SPG7: variants seen among roughly 807,000 people sequenced by gnomAD.
SPG7 encodes mitochondrial inner membrane m-AAA protease component paraplegin.
Under a neutral mutation model 81.9 loss-of-function variants are expected in SPG7, and 103 were observed. The observed-to-expected ratio is 1.26, with a 90% CI of 1.07 to 1.48. SPG7 has a LOEUF of 1.48. Ranked by LOEUF, SPG7 falls within the 40% of genes most tolerant of loss-of-function variation. The pLI is 0.00. For synonymous variants in SPG7, 534 were observed against 444.2 expected (o/e 1.20, Z -2.54); for missense variants, 1,241 against 1,087.3 (o/e 1.14, Z -1.99).
intron 3 of SPG7, chr16:89,523,518 C>A: frequency 2.8e-6 from 1 of 351,724 alleles, no homozygotes; most frequent in Non-Finnish European, 5.7e-6. Context: ...GATTCATGGC[C>A]ATTGTGAGCT....
intron 10 of SPG7, 148 bp downstream of exon 10, chr16:89,544,920 C>T (rs921809780): frequency 2.6e-5 from 24 of 928,254 alleles, no homozygotes; most frequent in African/African-American, 6.5e-5. Context: ...GCCCCCGCAT[C>T]GGCTGCACGC....
At chr16:89,514,786 C>T (rs1417557048) in intron 3 of SPG7, among the ~76,000 whole-genome samples, 8 of 152,122 alleles carry the variant, frequency 5.3e-5, no homozygotes, top group Non-Finnish European at 5.9e-5. Flanking sequence ...GCGTGAGCCA[C>T]CGCGTCAGGC....
intron 1 of SPG7, chr16:89,508,984 C>T (rs1305506388): frequency 1.5e-5 from 7 of 482,618 alleles, no homozygotes; most frequent in South Asian, 9.3e-5. Flanking sequence ...CAGCGCCTTC[C>T]AGTTAGGGTG....
At chr16:89,533,091 A>AAAAC (rs1555613248) in intron 9 of SPG7, 1 of 178,596 alleles carries the variant, frequency 5.6e-6, no homozygotes, top group African/African-American at 2.4e-5. Flanking sequence ...AAAAAAAAAA[A>AAAAC]AACACAGCTT....
At chr16:89,511,551 G>C (rs773198197) in intron 2 of SPG7, among the ~76,000 whole-genome samples, 1 of 152,244 alleles carries the variant, frequency 6.6e-6, no homozygotes, top group Non-Finnish European at 1.5e-5. Flanking sequence ...TCTGCTGTCA[G>C]TGTTTAACGT....
intron 5 of SPG7, chr16:89,529,253 A>G: frequency 3.4e-6 from 2 of 593,896 alleles, no homozygotes; most frequent in Admixed American, 2.8e-5. Flanking sequence ...CGGCATCTGC[A>G]CACTCAGTCT....
intron 5 of SPG7, among the ~76,000 whole-genome samples, chr16:89,527,844 C>T (rs1487715386): frequency 2.6e-5 from 4 of 152,056 alleles, no homozygotes; most frequent in African/African-American, 7.2e-5. Flanking sequence ...CCTGTAATCC[C>T]AGCACTTTGG....
intron 1 of SPG7, 75 bp downstream of exon 1, chr16:89,508,675 C>A: frequency 2.2e-6 from 3 of 1,354,406 alleles, no homozygotes; most frequent in South Asian, 3.0e-5. Context: ...CGGGGCGGGT[C>A]GGAGGCCGCC....
At chr16:89,512,214 C>T (rs547429424) in intron 2 of SPG7, among the ~76,000 whole-genome samples, 1 of 150,412 alleles carries the variant, frequency 6.6e-6, no homozygotes, top group African/African-American at 2.4e-5. Flanking sequence ...CCTGGCCTCC[C>T]CCATTTGTAA....
intron 6 of SPG7, chr16:89,530,391 A>C: frequency 2.3e-6 from 1 of 441,662 alleles, no homozygotes; most frequent in South Asian, 2.1e-5. Context: ...TGATCCGCCC[A>C]TCTCGGCCTC....
chr16:89,508,684 C>A lies in SPG7; in HGVS notation c.183+84C>A, dbSNP rs923168465. The A allele has an allele frequency of 6.8e-6, 9 of 1,327,138 alleles. No individual in the cohort carries two copies. In the Admixed American group the frequency reaches 9.6e-5, roughly 14 times the overall value. The allele number at this position is 1,327,138 out of a possible 1,614,324, so 82.2% of individuals were successfully genotyped here. ...GCCCGGCGGGGCGGGTCGGAGGCCG[C>A]CTGGCCCCTGCGGCGGGGGAGCCTG... On this transcript the variant is annotated intron_variant, in intron 1 of 16. Transcript: ENST00000645818.
Position 89,515,994 on chromosome 16 carries a change from C to T in SPG7, c.376+2957C>T, listed in dbSNP as rs1264088411. Among the ~76,000 whole-genome samples, 3 of 151,710 alleles carry T rather than the reference C, an allele frequency of 2.0e-5. No homozygotes were observed. The East Asian group carries it at 5.9e-4, about 30-fold the overall frequency. On this transcript the variant is annotated intron_variant, in intron 3 of 16. Coordinates refer to ENST00000645818, the MANE Select transcript of SPG7 (RefSeq NM_003119.4). Reference sequence around the variant, plus strand: ...AAAGTGCTGGGATTACAGGTGTGAGCCACCGTGCCCAGCCTGGAGTTTCAC... The same window carrying T: ...AAAGTGCTGGGATTACAGGTGTGAGTCACCGTGCCCAGCCTGGAGTTTCAC...
At chr16:89,512,247 A>G (rs1251532883) in intron 2 of SPG7, among the ~76,000 whole-genome samples, 1 of 150,516 alleles carries the variant, frequency 6.6e-6, no homozygotes, top group Non-Finnish European at 1.5e-5. Flanking sequence ...TCAGATTTTG[A>G]GACAGCTCTG....
At chr16:89,508,914 T>G (rs537579480) in intron 1 of SPG7, 1 of 562,326 alleles carries the variant, frequency 1.8e-6, no homozygotes, top group Admixed American at 2.2e-5. Flanking sequence ...CAGTAACGGT[T>G]TCCGGCGTAG....
At chr16:89,549,223 G>A (rs150306537) in intron 12 of SPG7, 2 of 456,880 alleles carry the variant, frequency 4.4e-6, no homozygotes, top group East Asian at 6.9e-5. Flanking sequence ...CAAGCCAGTT[G>A]AAAGAAAATA....
intron 10 of SPG7, chr16:89,545,450 G>A (rs1045477008): frequency 3.6e-4 from 68 of 186,480 alleles, no homozygotes; most frequent in African/African-American, 1.6e-3. Flanking sequence ...GCTCTCAGCC[G>A]GTGCTCAGTC....
rs746242801 is a variant in SPG7, at chr16:89,510,476, T to C, written c.184-14T>C. 1 of 1,546,900 alleles carries C rather than the reference T, an allele frequency of 6.5e-7. No homozygotes were observed. The highest frequency in any genetic ancestry group is 1.7e-5 in the Admixed American group (1 of 59,728). ...TTGGTGTGACCTCCAGTATTGTTTTTTTTTTTTTTTCAGAGCTTACAATTG... is the reference window on the plus strand; with the variant it reads ...TTGGTGTGACCTCCAGTATTGTTTTCTTTTTTTTTTCAGAGCTTACAATTG... On this transcript the variant is annotated splice_polypyrimidine_tract_variant and intron_variant, in intron 1 of 16. Transcript: ENST00000645818.
intron 9 of SPG7, chr16:89,540,808 C>G: frequency 1.2e-6 from 1 of 806,020 alleles, no homozygotes; most frequent in Non-Finnish European, 1.5e-6. Context: ...GGGTGCTCAT[C>G]CCAGGAAAGC....
chr16:89,508,691 C>T, intron 1 of SPG7, 91 bp downstream of exon 1: 1 of 1,301,782 alleles, frequency 7.7e-7, no homozygotes, highest in Non-Finnish European at 1.0e-6. Flanking sequence ...CCGCCTGGCC[C>T]CTGCGGCGGG....
Sources: gnomAD v4.1 joint callset for allele counts (sites outside exome capture counted in the v4.1 genomes callset) on GRCh38, gnomAD v4.1.1 for gene constraint, MANE v1.5 for transcripts, NCBI Gene and HGNC (gene_info 2026-07-23, HGNC 2026-07-21) for gene names.